ZBBX: variants seen among roughly 807,000 people sequenced by gnomAD.
The protein encoded by ZBBX is zinc finger B-box domain containing, also known as zinc finger B-box domain-containing protein 1.
A neutral mutation model predicts 108.5 loss-of-function variants in ZBBX; 101 were observed. The observed-to-expected ratio is 0.93, with a 90% confidence interval of 0.79 to 1.10. The LOEUF is 1.10. Ranked by LOEUF, ZBBX falls within the 50% of genes least tolerant of loss-of-function variation. The pLI is 0.00. For synonymous variants in ZBBX, 356 were observed against 323.4 expected (o/e 1.10, Z -1.08); for missense variants, 1,009 against 941.4 (o/e 1.07, Z -0.94).
In ZBBX at chr3:167,389,590, CACAA is replaced by C. The variant is rs997179594; in HGVS notation, c.-445-9189_-445-9186del. On this transcript the variant is annotated intron_variant, in intron 1 of 21. Coordinates refer to the ZBBX transcript ENST00000455345. ...CATTGGTTGAACTAATTTACACTCC[CACAA>C]ACAGTGTAAAAGTGTTCCTATGTCT... is the stretch of plus-strand genomic sequence containing the variant. Among the ~76,000 whole-genome samples, 153 of 152,260 alleles carry C rather than the reference CACAA, an allele frequency of 1.0e-3. 1 individual carries two copies. Among genetic ancestry groups the C allele is most frequent in the African/African-American group, 3.6e-3 (151 of 41,554 alleles).
upstream of ZBBX, among the ~76,000 whole-genome samples, chr3:167,383,823 CA>C (rs1747821661): frequency 6.6e-6 from 1 of 152,036 alleles, no homozygotes; most frequent in African/African-American, 2.4e-5. Context: ...CAAAGGTGAA[CA>C]AAGACACCGT....
chr3:167,190,932 A>G, the ZBBX span, among the ~76,000 whole-genome samples: 1 of 152,174 alleles, frequency 6.6e-6, no homozygotes. Flanking sequence ...TATCTTCACT[A>G]AGGCATGGCT....
At chr3:167,368,360 T>C in intron 5 of ZBBX, 101 bp downstream of exon 5, 2 of 886,314 alleles carry the variant, frequency 2.3e-6, no homozygotes, top group Middle Eastern at 2.7e-4. Flanking sequence ...TCAGAAATTA[T>C]CCATCCATTA....
At chr3:167,273,792 A>G (rs766633700) in intron 20 of ZBBX, among the ~76,000 whole-genome samples, 6 of 152,180 alleles carry the variant, frequency 3.9e-5, no homozygotes, top group African/African-American at 1.2e-4. Flanking sequence ...GAAGCCCCTT[A>G]TGGGTCTTTT....
At chr3:167,325,119 T>G (rs1737127051) in intron 11 of ZBBX, among the ~76,000 whole-genome samples, 1 of 152,160 alleles carries the variant, frequency 6.6e-6, no homozygotes, top group Non-Finnish European at 1.5e-5. Flanking sequence ...CTAACACTGT[T>G]AAATGTCTTC....
chr3:167,400,936 A>G (rs1249025652), intron 1 of ZBBX, among the ~76,000 whole-genome samples: 1 of 152,146 alleles, frequency 6.6e-6, no homozygotes, highest in Non-Finnish European at 1.5e-5. Flanking sequence ...GTGACTTCGA[A>G]TAGAATGGGA....
At position 167,388,665 on chromosome 3, in the gene ZBBX, T is replaced by C. The variant is rs73879695; in HGVS notation, c.-445-8260A>G. ...ATGTAAGTGAACACAATCCAGAATT[T>C]AGTTGTGTCCAGAGGGTAAAAGGTA... On this transcript the variant is annotated intron_variant, in intron 1 of 21. Coordinates refer to the ZBBX transcript ENST00000455345. 2.6e-3 allele frequency among the ~76,000 whole-genome samples: 403 copies of C among 152,118 alleles called. 1 individual carries two copies. The highest frequency in any genetic ancestry group is 9.3e-3 in the African/African-American group (385 of 41,514).
chr3:167,361,523 C>T (rs914224722), intron 6 of ZBBX, among the ~76,000 whole-genome samples: 1 of 152,078 alleles, frequency 6.6e-6, no homozygotes, highest in Non-Finnish European at 1.5e-5. Context: ...AATCTGAGAA[C>T]AATGACTGCC....
chr3:167,240,934 C>G lies in ZBBX; in HGVS notation c.2394-15G>C. On this transcript the variant is annotated splice_polypyrimidine_tract_variant and intron_variant, in intron 21 of 21. Transcript: ENST00000675490. ...TTCCAGAACAGCTGAAAATACATAA[C>G]AAGATCAATACACAATATACAGAAC... 1.2e-6 allele frequency: 2 copies of G among 1,611,620 alleles called. No individual in the cohort carries two copies. The highest frequency in any genetic ancestry group is 1.7e-6 in the Non-Finnish European group (2 of 1,178,788).
At chr3:167,330,870 G>GAA (rs1491560669) in intron 10 of ZBBX, among the ~76,000 whole-genome samples, 18,774 of 68,060 alleles carry the variant, frequency 0.28, 3,555 homozygotes, top group African/African-American at 0.3. Context: ...AGGAGGAGGA[G>GAA]GAGAAGAAGA....
chr3:167,225,973 G>T, the ZBBX span, among the ~76,000 whole-genome samples: 2 of 151,396 alleles, frequency 1.3e-5, no homozygotes, highest in East Asian at 3.9e-4. Flanking sequence ...GATCCCTCAT[G>T]AGGGCATGTA....
chr3:167,294,860 C>A (rs1731343757), intron 18 of ZBBX, among the ~76,000 whole-genome samples: 1 of 152,114 alleles, frequency 6.6e-6, no homozygotes, highest in African/African-American at 2.4e-5. Context: ...AAACAAACAA[C>A]CCCATCCAAA....
At chr3:167,387,383 C>T (rs1397621692) in intron 1 of ZBBX, among the ~76,000 whole-genome samples, 2 of 152,000 alleles carry the variant, frequency 1.3e-5, no homozygotes, top group African/African-American at 4.8e-5. Context: ...ATAGTTGGGG[C>T]TCAACAAAGA....
chr3:167,246,492 C>T (rs1381502610), intron 20 of ZBBX, among the ~76,000 whole-genome samples: 1 of 152,136 alleles, frequency 6.6e-6, no homozygotes, highest in African/African-American at 2.4e-5. Flanking sequence ...GTATCTGGTG[C>T]ATTTTTATTA....
intron 20 of ZBBX, among the ~76,000 whole-genome samples, chr3:167,272,896 T>G (rs544921139): frequency 6.6e-6 from 1 of 152,286 alleles, no homozygotes; most frequent in African/African-American, 2.4e-5. Flanking sequence ...CTTAAAACCA[T>G]ATATTCGTTT....
chr3:167,344,963 GC>G (rs1359630279), intron 9 of ZBBX, among the ~76,000 whole-genome samples: 2 of 151,836 alleles, frequency 1.3e-5, no homozygotes, highest in Non-Finnish European at 2.9e-5. Flanking sequence ...AAGGTCAAAT[GC>G]TCACATTTAG....
chr3:167,275,938 G>A (rs376891479), intron 20 of ZBBX, among the ~76,000 whole-genome samples: 29 of 152,252 alleles, frequency 1.9e-4, no homozygotes, highest in African/African-American at 4.1e-4. Flanking sequence ...ATCTGAGAAC[G>A]GGCAGACTGC....
the ZBBX span, among the ~76,000 whole-genome samples, chr3:167,180,896 T>C: frequency 2.0e-5 from 3 of 152,250 alleles, no homozygotes; most frequent in Non-Finnish European, 4.4e-5. Context: ...TTAATGGCTC[T>C]AAGATCTGTC....
At chr3:167,283,357 G>C (rs1006360169) in intron 19 of ZBBX, among the ~76,000 whole-genome samples, 39 of 152,010 alleles carry the variant, frequency 2.6e-4, no homozygotes, top group Non-Finnish European at 5.4e-4. Context: ...TCATAGGGCA[G>C]GTAAATGCTT....
Sources: allele counts gnomAD v4.1 joint callset (sites outside exome capture counted in the v4.1 genomes callset), GRCh38; gene constraint gnomAD v4.1.1; transcripts MANE v1.5; gene names NCBI Gene and HGNC (gene_info 2026-07-23, HGNC 2026-07-21).